The following USP34 variants were observed in gnomAD, a reference collection of about 807,000 sequenced individuals.
USP34 encodes ubiquitin carboxyl-terminal hydrolase 34.
Under a neutral mutation model 460.3 loss-of-function variants are expected in USP34, and 70 were observed. The ratio of observed to expected loss-of-function variants is 0.15; its 90% CI spans 0.13 to 0.19. USP34 has a LOEUF of 0.19. Among genes scored for constraint, USP34 ranks in the 10% least tolerant of loss-of-function variants. The pLI is 1.00. For missense variants in USP34, 3,985 were observed against 4,236.2 expected, an observed-to-expected ratio of 0.94 and a Z score of 1.65; for synonymous variants, 1,647 against 1,405.3, an observed-to-expected ratio of 1.17 and a Z score of -3.85.
At chr2:61,389,051 C>CT (rs1175354314) in intron 5 of USP34, among the ~76,000 whole-genome samples, 1 of 151,840 alleles carries the variant, frequency 6.6e-6, no homozygotes, top group African/African-American at 2.4e-5. Flanking sequence ...TATGTGATTC[C>CT]ATCTGCATGG....
At chr2:61,425,093 G>T (rs1046715382) in intron 1 of USP34, among the ~76,000 whole-genome samples, 1 of 152,036 alleles carries the variant, frequency 6.6e-6, no homozygotes, top group South Asian at 2.1e-4. Flanking sequence ...TACAGGTGTG[G>T]CCCACTGCGC....
intron 49 of USP34, among the ~76,000 whole-genome samples, chr2:61,247,289 C>T (rs1688442359): frequency 1.3e-5 from 2 of 152,104 alleles, no homozygotes; most frequent in Non-Finnish European, 1.5e-5. Flanking sequence ...AGGGTACAGT[C>T]TGAACTGGAA....
At chr2:61,387,406 A>G (rs1693180794) in intron 5 of USP34, among the ~76,000 whole-genome samples, 16 of 151,948 alleles carry the variant, frequency 1.1e-4, no homozygotes. Flanking sequence ...TGGAGACTGC[A>G]GTGAGCCAAG....
At chr2:61,335,623 C>A (rs1174356029) in intron 18 of USP34, among the ~76,000 whole-genome samples, 1 of 152,128 alleles carries the variant, frequency 6.6e-6, no homozygotes, top group Non-Finnish European at 1.5e-5. Context: ...ATGGCACATG[C>A]CTGTAGTCCC....
At chr2:61,255,590 TCAC>T (rs1365842115) in intron 48 of USP34, among the ~76,000 whole-genome samples, 2 of 152,374 alleles carry the variant, frequency 1.3e-5, no homozygotes, top group Admixed American at 6.5e-5. Flanking sequence ...ATTAAAGTTC[TCAC>T]AACAGTGCTT....
intron 62 of USP34, among the ~76,000 whole-genome samples, chr2:61,224,027 G>C (rs775509570): frequency 6.6e-5 from 10 of 152,086 alleles, no homozygotes; most frequent in Non-Finnish European, 1.3e-4. Flanking sequence ...ATCTTTAACA[G>C]ATAGGTTTCA....
At chr2:61,383,491 T>A (rs963333543) in intron 5 of USP34, among the ~76,000 whole-genome samples, 155 bp from the exon 6 acceptor site, 4 of 152,000 alleles carry the variant, frequency 2.6e-5, no homozygotes, top group Admixed American at 1.3e-4. Flanking sequence ...GATCCGAAGG[T>A]CAGGAGTTTG....
intron 1 of USP34, among the ~76,000 whole-genome samples, chr2:61,453,219 T>C (rs1695336891): frequency 6.6e-6 from 1 of 152,040 alleles, no homozygotes; most frequent in East Asian, 1.9e-4. Flanking sequence ...GAGACCAGCC[T>C]GGGCAACATG....
intron 1 of USP34, among the ~76,000 whole-genome samples, chr2:61,421,130 T>C (rs544857306): frequency 6.6e-6 from 1 of 152,188 alleles, no homozygotes; most frequent in South Asian, 2.1e-4. Flanking sequence ...AATCTACATT[T>C]TTCATTTCCA....
intron 1 of USP34, among the ~76,000 whole-genome samples, chr2:61,439,231 G>A (rs893281040): frequency 6.6e-6 from 1 of 152,096 alleles, no homozygotes; most frequent in African/African-American, 2.4e-5. Context: ...GGGTAACAGG[G>A]CAAAACCGTG....
chr2:61,340,852 G>T (rs1691575656), intron 16 of USP34, among the ~76,000 whole-genome samples: 1 of 145,902 alleles, frequency 6.9e-6, no homozygotes, highest in African/African-American at 2.5e-5. Flanking sequence ...CTAGTCTGTG[G>T]CTTGTCTTTT....
At chr2:61,277,524 A>C (rs1689406774) in intron 41 of USP34, among the ~76,000 whole-genome samples, 1 of 152,210 alleles carries the variant, frequency 6.6e-6, no homozygotes, top group African/African-American at 2.4e-5. Context: ...GGCACGAGCC[A>C]CCGTGCCCAG....
intron 79 of USP34, 48 bp downstream of exon 79, chr2:61,188,862 C>G: frequency 6.2e-7 from 1 of 1,605,916 alleles, no homozygotes; most frequent in Non-Finnish European, 8.5e-7. Flanking sequence ...AAGTGTATTA[C>G]TCCCTCCTCC....
chr2:61,286,906 A>G (rs998770272), intron 34 of USP34, among the ~76,000 whole-genome samples: 16 of 152,208 alleles, frequency 1.1e-4, no homozygotes, highest in African/African-American at 3.9e-4. Flanking sequence ...GAAATTGCCA[A>G]TAAAGGTCAA....
At chr2:61,443,795 G>T (rs1695035290) in intron 1 of USP34, among the ~76,000 whole-genome samples, 1 of 152,172 alleles carries the variant, frequency 6.6e-6, no homozygotes. Flanking sequence ...CCCTAATGTG[G>T]ACTATGGACT....
intron 20 of USP34, among the ~76,000 whole-genome samples, chr2:61,330,198 T>TA (rs759952216): frequency 6.6e-6 from 1 of 152,208 alleles, no homozygotes; most frequent in Non-Finnish European, 1.5e-5. Flanking sequence ...TGTCATATCA[T>TA]ATAGCTTCAG....
intron 1 of USP34, among the ~76,000 whole-genome samples, chr2:61,450,417 T>C (rs563702926): frequency 1.3e-5 from 2 of 152,266 alleles, no homozygotes; most frequent in South Asian, 4.1e-4. Context: ...GTGAATTTAT[T>C]AGATTGGTAC....
At chr2:61,419,661 A>G (rs538292974) in intron 2 of USP34, among the ~76,000 whole-genome samples, 1 of 152,300 alleles carries the variant, frequency 6.6e-6, no homozygotes, top group Non-Finnish European at 1.5e-5. Context: ...CTGAAATCAG[A>G]AGTGTAGATT....
intron 1 of USP34, among the ~76,000 whole-genome samples, chr2:61,430,309 C>T (rs1400965442): frequency 6.6e-6 from 1 of 151,988 alleles, no homozygotes; most frequent in South Asian, 2.1e-4. Context: ...TAGGCTGAGG[C>T]AGGAGAATCA....
Sources: gnomAD v4.1 joint callset for allele counts (sites outside exome capture counted in the v4.1 genomes callset) on GRCh38, gnomAD v4.1.1 for gene constraint, MANE v1.5 for transcripts, NCBI Gene and HGNC (gene_info 2026-07-23, HGNC 2026-07-21) for gene names.